The following CEP128 variants were observed in gnomAD, a reference collection of about 807,000 sequenced individuals.
CEP128 encodes centrosomal protein 128.
Under a neutral mutation model 156.7 loss-of-function variants are expected in CEP128, and 132 were observed. That is an observed-to-expected ratio of 0.84 (90% CI 0.73 to 0.97). The LOEUF (loss-of-function observed/expected upper bound fraction) is 0.97, where lower values mean the gene tolerates loss of function less well. Ranked by LOEUF, CEP128 falls within the 50% of genes least tolerant of loss-of-function variation. The pLI is 0.00. For missense variants in CEP128, 1,252 were observed against 1,281.9 expected, an observed-to-expected ratio of 0.98 and a Z score of 0.36; for synonymous variants, 469 against 448.9, an observed-to-expected ratio of 1.04 and a Z score of -0.57.
intron 9 of CEP128, among the ~76,000 whole-genome samples, chr14:80,857,563 T>C (rs111680180): frequency 2.6e-5 from 4 of 151,766 alleles, no homozygotes; most frequent in African/African-American, 9.7e-5. Context: ...TAAAACCCCA[T>C]CTCTACCCAA....
At chr14:80,514,200 T>C (rs934189006) in intron 23 of CEP128, among the ~76,000 whole-genome samples, 1 of 152,188 alleles carries the variant, frequency 6.6e-6, no homozygotes, top group Non-Finnish European at 1.5e-5. Context: ...ACCAATGTAT[T>C]TGATTGATGT....
chr14:80,892,330 A>G (rs1233001725), intron 8 of CEP128, among the ~76,000 whole-genome samples: 3 of 151,982 alleles, frequency 2.0e-5, no homozygotes, highest in Non-Finnish European at 4.4e-5. Context: ...TCTTCAATAA[A>G]TGGTGCTAAG....
At chr14:80,736,072 A>C (rs1898512810) in intron 19 of CEP128, among the ~76,000 whole-genome samples, 1 of 152,152 alleles carries the variant, frequency 6.6e-6, no homozygotes, top group Non-Finnish European at 1.5e-5. Context: ...TTGGCAGAGG[A>C]GGGAGGGAAT....
intron 19 of CEP128, among the ~76,000 whole-genome samples, chr14:80,741,281 T>C (rs896186561): frequency 5.3e-5 from 8 of 152,214 alleles, no homozygotes; most frequent in African/African-American, 1.9e-4. Context: ...AATTTCCACA[T>C]AAATTTTAGG....
At chr14:80,663,824 C>T (rs1895499918) in intron 19 of CEP128, among the ~76,000 whole-genome samples, 1 of 152,198 alleles carries the variant, frequency 6.6e-6, no homozygotes, top group Admixed American at 6.5e-5. Context: ...GGCCTCAAGT[C>T]TTGTTCTTGT....
intron 19 of CEP128, among the ~76,000 whole-genome samples, chr14:80,722,799 G>A (rs960045673): frequency 6.7e-6 from 1 of 150,334 alleles, no homozygotes; most frequent in African/African-American, 2.4e-5. Flanking sequence ...TCTGTCATCT[G>A]GTAGCAGAGG....
At chr14:80,541,975 A>T (rs960866524) in intron 21 of CEP128, among the ~76,000 whole-genome samples, 4 of 132,852 alleles carry the variant, frequency 3.0e-5, no homozygotes, top group Non-Finnish European at 6.6e-5. Flanking sequence ...CTAATTTTGC[A>T]GAGTTGTTGT....
At chr14:80,814,338 G>A (rs1291142894) in intron 13 of CEP128, among the ~76,000 whole-genome samples, 1 of 151,834 alleles carries the variant, frequency 6.6e-6, no homozygotes, top group African/African-American at 2.4e-5. Flanking sequence ...GAACTTTTCT[G>A]TATTTTCTAT....
At chr14:80,525,456 T>C (rs570039704) in intron 23 of CEP128, among the ~76,000 whole-genome samples, 1 of 152,336 alleles carries the variant, frequency 6.6e-6, no homozygotes, top group African/African-American at 2.4e-5. Context: ...ATGTAACACC[T>C]ACAAAAAGAA....
At chr14:80,587,790 T>C (rs534451233) in intron 19 of CEP128, among the ~76,000 whole-genome samples, 2 of 152,302 alleles carry the variant, frequency 1.3e-5, no homozygotes, top group East Asian at 1.9e-4. Context: ...TTATGATCCA[T>C]TGTAAACATT....
At chr14:80,827,676 G>C (rs987228713) in intron 13 of CEP128, among the ~76,000 whole-genome samples, 1 of 152,092 alleles carries the variant, frequency 6.6e-6, no homozygotes, top group Non-Finnish European at 1.5e-5. Flanking sequence ...CTATAATTAT[G>C]AACAAACAAC....
intron 10 of CEP128, among the ~76,000 whole-genome samples, chr14:80,839,194 G>T (rs1222906441): frequency 4.6e-5 from 7 of 152,196 alleles, no homozygotes; most frequent in Non-Finnish European, 8.8e-5. Flanking sequence ...TAGAACACAA[G>T]TTTCTTAACA....
chr14:80,879,583 G>A (rs928507542), intron 8 of CEP128, among the ~76,000 whole-genome samples: 1 of 151,924 alleles, frequency 6.6e-6, no homozygotes, highest in African/African-American at 2.4e-5. Context: ...TGCAACAGCA[G>A]ACTAGATCAA....
At chr14:80,891,585 CAAAA>C (rs34380899) in intron 8 of CEP128, among the ~76,000 whole-genome samples, 5 of 97,118 alleles carry the variant, frequency 5.1e-5, no homozygotes, top group Non-Finnish European at 4.4e-5. Context: ...TTACTAGGTG[CAAAA>C]AAAAAAAAAA....
At chr14:80,649,889 G>T (rs1018238033) in intron 19 of CEP128, among the ~76,000 whole-genome samples, 1 of 152,042 alleles carries the variant, frequency 6.6e-6, no homozygotes, top group Non-Finnish European at 1.5e-5. Flanking sequence ...GGATTGTCTC[G>T]GCTATGTGGG....
chr14:80,942,413 G>A (rs1886205286), upstream of CEP128: 1 of 152,118 alleles, frequency 6.6e-6, no homozygotes, highest in Non-Finnish European at 1.5e-5. Flanking sequence ...TCCACTCAGG[G>A]GAGTTGGTTT....
At chr14:80,591,506 C>A (rs1356799076) in intron 19 of CEP128, among the ~76,000 whole-genome samples, 1 of 152,104 alleles carries the variant, frequency 6.6e-6, no homozygotes, top group African/African-American at 2.4e-5. Flanking sequence ...ATCCATAAAG[C>A]AAATTCTTAG....
intron 22 of CEP128, among the ~76,000 whole-genome samples, chr14:80,527,442 A>G (rs1162204314): frequency 6.6e-6 from 1 of 152,042 alleles, no homozygotes; most frequent in African/African-American, 2.4e-5. Flanking sequence ...AAAAAAAAAA[A>G]AAAAGAACAA....
At chr14:80,799,022 A>G (rs1358228413) in intron 13 of CEP128, among the ~76,000 whole-genome samples, 3 of 152,244 alleles carry the variant, frequency 2.0e-5, no homozygotes, top group Non-Finnish European at 4.4e-5. Flanking sequence ...GGTAAGTGAG[A>G]AAACTGCCAG....
Sources: allele counts gnomAD v4.1 joint callset (sites outside exome capture counted in the v4.1 genomes callset), GRCh38; gene constraint gnomAD v4.1.1; transcripts MANE v1.5; gene names NCBI Gene and HGNC (gene_info 2026-07-23, HGNC 2026-07-21).